ITPR2: variants seen among roughly 807,000 people sequenced by gnomAD.
ITPR2 encodes inositol 1,4,5-trisphosphate receptor type 2, also known as inositol 1,4,5-trisphosphate-gated calcium channel ITPR2.
A neutral mutation model predicts 317.1 loss-of-function variants in ITPR2; 207 were observed. The ratio of observed to expected loss-of-function variants is 0.65; its 90% CI spans 0.58 to 0.73. The LOEUF is 0.73. Ranked by LOEUF, ITPR2 falls within the 30% of genes least tolerant of loss-of-function variation. ITPR2 has a pLI of 0.00. For missense variants in ITPR2, 2,613 were observed against 3,284.0 expected, an observed-to-expected ratio of 0.80 and a Z score of 4.99; for synonymous variants, 1,156 against 1,149.1, an observed-to-expected ratio of 1.01 and a Z score of -0.12.
chr12:26,444,667 C>T (rs913817741), intron 45 of ITPR2, among the ~76,000 whole-genome samples: 10 of 152,004 alleles, frequency 6.6e-5, no homozygotes, highest in East Asian at 5.8e-4. Flanking sequence ...AGTATTTTAT[C>T]GACATTACGG....
chr12:26,607,787 T>C (rs1423929435), intron 26 of ITPR2, among the ~76,000 whole-genome samples: 1 of 151,894 alleles, frequency 6.6e-6, no homozygotes, highest in Non-Finnish European at 1.5e-5. Context: ...CCAAGACAAA[T>C]AAAATAATGG....
chr12:26,684,834 G>A (rs1948096656), intron 11 of ITPR2, among the ~76,000 whole-genome samples: 2 of 151,988 alleles, frequency 1.3e-5, no homozygotes, highest in African/African-American at 4.8e-5. Context: ...AATAAGTAAA[G>A]TCATAGTAAG....
At chr12:26,637,292 T>A (rs1946883902) in intron 21 of ITPR2, among the ~76,000 whole-genome samples, 1 of 152,142 alleles carries the variant, frequency 6.6e-6, no homozygotes, top group African/African-American at 2.4e-5. Context: ...ACATAAAATG[T>A]GCCCATAAAA....
intron 39 of ITPR2, 109 bp from the exon 40 acceptor site, chr12:26,487,360 C>T (rs1191887554): frequency 3.7e-5 from 25 of 676,872 alleles, no homozygotes; most frequent in Non-Finnish European, 5.1e-5. Context: ...CTTAATGCAC[C>T]ACCCATTACT....
At chr12:26,592,974 C>A (rs1056725402) in intron 32 of ITPR2, among the ~76,000 whole-genome samples, 2 of 152,196 alleles carry the variant, frequency 1.3e-5, no homozygotes, top group Admixed American at 6.5e-5. Flanking sequence ...TCATTGGATT[C>A]TCCCACTAAC....
rs201830401 is a variant in ITPR2 at position 26,768,492 on chromosome 12, AAAAG to A, written c.163+21661_163+21664del. Among the ~76,000 whole-genome samples the A allele has an allele frequency of 6.7e-3, 980 of 146,278 alleles. 15 individuals carry two copies. Among genetic ancestry groups the A allele is most frequent in the African/African-American group, 0.023 (907 of 39,310 alleles). On this transcript the variant is annotated intron_variant, in intron 2 of 56. Coordinates refer to ENST00000381340, the MANE Select transcript of ITPR2 (RefSeq NM_002223.4). ...AAATTTTGTGCAACTCAAAAAAAAA[AAAAG>A]AAAATTGAAATTCAGATCTAAAGGT...
In ITPR2 at chr12:26,599,244, C is replaced by A; in HGVS notation, c.3903G>T (p.Glu1301Asp). The change falls in exon 30 of 57, where the codon GAG becomes GAT. Residue 1301 changes from glutamate (E) to aspartate (D), a missense_variant. Glu to Asp is a conservative substitution (Grantham distance 45). Transcript: ENST00000381340. ...RVVQHFVHCI[E>D]THGRHVEYLR... ...GGTACTCCACGTGGCGGCCATGTGT[C>A]TCAATGCAGTGCACAAAGTGTTGTA... The A allele has an allele frequency of 6.2e-7, 1 of 1,614,074 alleles. No individual in the cohort carries two copies. Among genetic ancestry groups the A allele is most frequent in the Non-Finnish European group, 8.5e-7 (1 of 1,179,934 alleles).
intron 13 of ITPR2, among the ~76,000 whole-genome samples, chr12:26,668,432 C>T (rs1947675235): frequency 6.6e-6 from 1 of 152,160 alleles, no homozygotes; most frequent in African/African-American, 2.4e-5. Flanking sequence ...CTCAAATTAC[C>T]AGAGAACATG....
At chr12:26,372,173 T>C (rs188879972) in intron 55 of ITPR2, among the ~76,000 whole-genome samples, 195 of 152,328 alleles carry the variant, frequency 1.3e-3, no homozygotes, top group Non-Finnish European at 1.9e-3. Context: ...TGTTATTAAC[T>C]CATCTTTATG....
chr12:26,673,071 G>T (rs1235046525), intron 13 of ITPR2, among the ~76,000 whole-genome samples: 1 of 152,108 alleles, frequency 6.6e-6, no homozygotes, highest in Non-Finnish European at 1.5e-5. Context: ...CAACCAAAAA[G>T]AGTCCAGGAC....
intron 37 of ITPR2, among the ~76,000 whole-genome samples, chr12:26,526,730 T>C (rs1450576962): frequency 6.6e-6 from 1 of 152,128 alleles, no homozygotes; most frequent in Non-Finnish European, 1.5e-5. Flanking sequence ...TGGACCAGGA[T>C]AACGGGTTTA....
intron 32 of ITPR2, among the ~76,000 whole-genome samples, chr12:26,587,962 T>A (rs539300964): frequency 6.6e-6 from 1 of 152,300 alleles, no homozygotes; most frequent in South Asian, 2.1e-4. Flanking sequence ...GCAGAATTTG[T>A]GGAAGGACTG....
At chr12:26,678,969 G>A (rs753505813) in intron 13 of ITPR2, among the ~76,000 whole-genome samples, 10 of 152,188 alleles carry the variant, frequency 6.6e-5, no homozygotes, top group Non-Finnish European at 1.0e-4. Flanking sequence ...CTTTTTAAGT[G>A]AAGCCAAGTA....
chr12:26,799,587 C>T (rs550182252), intron 1 of ITPR2, among the ~76,000 whole-genome samples: 1 of 152,268 alleles, frequency 6.6e-6, no homozygotes, highest in African/African-American at 2.4e-5. Context: ...GAGGATTTGC[C>T]CGTATATTTT....
intron 31 of ITPR2, among the ~76,000 whole-genome samples, chr12:26,596,506 G>T (rs1945849019): frequency 6.6e-6 from 1 of 152,054 alleles, no homozygotes; most frequent in African/African-American, 2.4e-5. Flanking sequence ...AATTAGCTGA[G>T]CATGGTGGCA....
chr12:26,360,225 C>G (rs1470296336), intron 55 of ITPR2, among the ~76,000 whole-genome samples: 1 of 152,200 alleles, frequency 6.6e-6, no homozygotes, highest in Non-Finnish European at 1.5e-5. Flanking sequence ...TGTAGCCCTT[C>G]CTTGTTTTAC....
At chr12:26,420,933 C>T (rs1298034884) in intron 49 of ITPR2, among the ~76,000 whole-genome samples, 1 of 152,050 alleles carries the variant, frequency 6.6e-6, no homozygotes, top group African/African-American at 2.4e-5. Flanking sequence ...TACCTTGATT[C>T]ATCCACCAGA....
At chr12:26,539,388 T>C (rs1173340271) in intron 37 of ITPR2, among the ~76,000 whole-genome samples, 1 of 152,208 alleles carries the variant, frequency 6.6e-6, no homozygotes, top group Non-Finnish European at 1.5e-5. Context: ...TCCCAAATGC[T>C]GCCATGTTCT....
intron 54 of ITPR2, among the ~76,000 whole-genome samples, chr12:26,389,267 G>A (rs1428234546): frequency 6.6e-6 from 1 of 152,100 alleles, no homozygotes; most frequent in Non-Finnish European, 1.5e-5. Context: ...CAAGATAAAG[G>A]TCAAAGTCCT....
Sources: gnomAD v4.1 joint callset for allele counts (sites outside exome capture counted in the v4.1 genomes callset) on GRCh38, gnomAD v4.1.1 for gene constraint, MANE v1.5 for transcripts, NCBI Gene and HGNC (gene_info 2026-07-23, HGNC 2026-07-21) for gene names.